The following RXRG variants were observed in gnomAD, a reference collection of about 807,000 sequenced individuals.
The protein encoded by RXRG is retinoic acid receptor RXR-gamma.
A neutral mutation model predicts 49.2 loss-of-function variants in RXRG; 19 were observed. The observed-to-expected ratio is 0.39, with a 90% CI of 0.27 to 0.57. The LOEUF (loss-of-function observed/expected upper bound fraction) is 0.57, where lower values mean the gene tolerates loss of function less well. Ranked by LOEUF, RXRG falls within the 20% of genes least tolerant of loss-of-function variation. RXRG has a pLI of 0.64. For synonymous variants in RXRG, 224 were observed against 216.6 expected, an observed-to-expected ratio of 1.03 and a Z score of -0.30; for missense variants, 452 against 592.5, an observed-to-expected ratio of 0.76 and a Z score of 2.46.
intron 1 of RXRG, among the ~76,000 whole-genome samples, chr1:165,442,095 A>G (rs1476165946): frequency 1.3e-5 from 2 of 152,216 alleles, no homozygotes; most frequent in African/African-American, 4.8e-5. Flanking sequence ...ATGTGCTAAT[A>G]TGTAACAGGG....
intron 1 of RXRG, among the ~76,000 whole-genome samples, chr1:165,433,936 T>C (rs1244663852): frequency 1.3e-5 from 2 of 152,194 alleles, no homozygotes; most frequent in Admixed American, 6.5e-5. Context: ...AAAGTCCCTG[T>C]GTGCATTGAT....
chr1:165,434,822 C>A (rs537959565), intron 1 of RXRG, among the ~76,000 whole-genome samples: 1 of 152,332 alleles, frequency 6.6e-6, no homozygotes, highest in East Asian at 1.9e-4. Context: ...TTGTCTGCAG[C>A]AAACTTACTC....
intron 1 of RXRG, chr1:165,436,873 C>A: frequency 9.3e-7 from 1 of 1,071,916 alleles, no homozygotes; most frequent in South Asian, 2.5e-5. Context: ...GGTTAAAGAT[C>A]AATCCCAAAC....
chr1:165,425,003 G>T, intron 2 of RXRG: 2 of 981,166 alleles, frequency 2.0e-6, no homozygotes, highest in South Asian at 9.4e-5. Flanking sequence ...CCAGCACTTG[G>T]CAAGCTTAAT....
chr1:165,438,807 A>T (rs1170968247), intron 1 of RXRG, among the ~76,000 whole-genome samples: 1 of 152,252 alleles, frequency 6.6e-6, no homozygotes. Context: ...AGTGGTGACT[A>T]AACTGGTCAT....
chr1:165,430,691 C>A (rs547444891), intron 1 of RXRG, among the ~76,000 whole-genome samples: 1 of 152,366 alleles, frequency 6.6e-6, no homozygotes, highest in South Asian at 2.1e-4. Flanking sequence ...AGGGGCATGG[C>A]AAAGTGGTTA....
intron 1 of RXRG, among the ~76,000 whole-genome samples, chr1:165,436,527 G>A (rs188522312): frequency 9.2e-4 from 140 of 152,256 alleles, no homozygotes; most frequent in Non-Finnish European, 2.5e-4. Flanking sequence ...GAGGAGATTC[G>A]CCTGTTCTTA....
intron 1 of RXRG, among the ~76,000 whole-genome samples, chr1:165,436,230 T>C (rs79280819): frequency 6.6e-6 from 1 of 152,122 alleles, no homozygotes; most frequent in Non-Finnish European, 1.5e-5. Context: ...CCTGTGGCTG[T>C]TTGTGGTCTT....
chr1:165,417,371 G>A (rs1367627942), intron 3 of RXRG, 151 bp from the exon 4 acceptor site: 2 of 627,816 alleles, frequency 3.2e-6, no homozygotes, highest in Non-Finnish European at 5.3e-6. Flanking sequence ...GAGAATGCAG[G>A]CTTGATCACA....
chr1:165,405,438 G>A (rs1227017881), intron 9 of RXRG, among the ~76,000 whole-genome samples: 3 of 152,230 alleles, frequency 2.0e-5, no homozygotes, highest in Admixed American at 1.3e-4. Context: ...CATACAACAG[G>A]ATACATTCTC....
At chr1:165,425,802 G>A (rs1022490221) in intron 2 of RXRG, among the ~76,000 whole-genome samples, 2 of 152,220 alleles carry the variant, frequency 1.3e-5, no homozygotes, top group Non-Finnish European at 2.9e-5. Context: ...GTCTATGACA[G>A]CACACAGACA....
chr1:165,417,124 T>A lies in RXRG; in HGVS notation c.539A>T (p.Asp180Val). The A allele has an allele frequency of 6.2e-7, 1 of 1,614,186 alleles. No individual in the cohort carries two copies. The highest frequency in any genetic ancestry group is 2.2e-5 in the East Asian group (1 of 44,882). The change falls in exon 4 of 10, where the codon GAC (aspartate) becomes GTC (valine). Residue 180 changes from aspartate (D) to valine (V), a missense_variant. Coordinates refer to ENST00000359842, the MANE Select transcript of RXRG (RefSeq NM_006917.5). ...DLIYTCRDNKDCLIDKRQRNR... is the reference protein window; with the variant it reads ...DLIYTCRDNKVCLIDKRQRNR... The stretch of plus-strand genomic sequence containing the variant: ...GCGCTGACGCTTGTCAATGAGGCAG[T>A]CTTTATTATCCCGACACGTGTAGAT...
chr1:165,422,499 A>T (rs1378582008), intron 2 of RXRG, among the ~76,000 whole-genome samples: 2 of 152,216 alleles, frequency 1.3e-5, no homozygotes, highest in African/African-American at 4.8e-5. Flanking sequence ...CTGGGACGAC[A>T]GCCTTCAAAA....
chr1:165,403,019 C>G (rs557490180), intron 9 of RXRG, among the ~76,000 whole-genome samples: 81 of 152,020 alleles, frequency 5.3e-4, no homozygotes, highest in Non-Finnish European at 8.8e-4. Context: ...CATGTTCTTA[C>G]AACATGCACA....
At chr1:165,403,419 G>A (rs1249012069) in intron 9 of RXRG, among the ~76,000 whole-genome samples, 1 of 152,160 alleles carries the variant, frequency 6.6e-6, no homozygotes, top group Non-Finnish European at 1.5e-5. Context: ...GAATTTCAAT[G>A]TTCCTTGAAA....
chr1:165,404,390 G>A (rs1308957338), intron 9 of RXRG, among the ~76,000 whole-genome samples: 4 of 152,204 alleles, frequency 2.6e-5, no homozygotes, highest in Non-Finnish European at 5.9e-5. Flanking sequence ...CCAGCCCCCT[G>A]CCAGCCATAT....
At chr1:165,433,583 C>T (rs764665226) in intron 1 of RXRG, among the ~76,000 whole-genome samples, 8 of 152,254 alleles carry the variant, frequency 5.3e-5, no homozygotes, top group Non-Finnish European at 1.0e-4. Context: ...AGGTTTTCTT[C>T]TCTCCTGGTA....
At chr1:165,424,297 T>A (rs1414329628) in intron 2 of RXRG, among the ~76,000 whole-genome samples, 1 of 152,236 alleles carries the variant, frequency 6.6e-6, no homozygotes, top group African/African-American at 2.4e-5. Context: ...CCTGGTTCAA[T>A]AAATGCTTGT....
At chr1:165,437,474 T>A (rs74118603) in intron 1 of RXRG, among the ~76,000 whole-genome samples, 11,678 of 152,246 alleles carry the variant, frequency 0.077, 503 homozygotes, top group African/African-American at 0.096. Context: ...TACCCAATGG[T>A]AACATGGGAC....
Sources: allele counts gnomAD v4.1 joint callset (sites outside exome capture counted in the v4.1 genomes callset), GRCh38; gene constraint gnomAD v4.1.1; transcripts MANE v1.5; gene names NCBI Gene and HGNC (gene_info 2026-07-23, HGNC 2026-07-21).